CCDC187: variants seen among roughly 807,000 people sequenced by gnomAD.
The protein encoded by CCDC187 is coiled-coil domain containing 187, also known as coiled-coil domain-containing protein 187.
In CCDC187, 32 loss-of-function variants were observed where a neutral mutation model predicts 38.0. That is an observed-to-expected ratio of 0.84 (90% CI 0.64 to 1.13). The LOEUF (loss-of-function observed/expected upper bound fraction) is 1.13, where lower values mean the gene tolerates loss of function less well. Among genes scored for constraint, CCDC187 ranks in the 50% most tolerant of loss-of-function variants. CCDC187 has a pLI of 0.00. For synonymous variants in CCDC187, 333 were observed against 347.9 expected (o/e 0.96, Z 0.48); for missense variants, 707 against 786.8 (o/e 0.90, Z 1.21).
At position 136,299,205 on chromosome 9, in the gene CCDC187, G is replaced by A. The variant is rs891100528; in HGVS notation, c.724+1015C>T. Among the ~76,000 whole-genome samples, 147 of 152,318 alleles carry A rather than the reference G, an allele frequency of 9.7e-4. 1 individual carries two copies. The highest frequency in any genetic ancestry group is 3.4e-3 in the Middle Eastern group (1 of 294). On this transcript the variant is annotated intron_variant, in intron 3 of 25. Transcript: ENST00000638797. ...ACAGGAGTTCCCCGGCAACTGTGGGGTCAGGGAGATGGCTCTGTCCCCTGC... is the reference window on the plus strand; with the variant it reads ...ACAGGAGTTCCCCGGCAACTGTGGGATCAGGGAGATGGCTCTGTCCCCTGC...
Position 136,286,283 on chromosome 9 carries a change from T to C in CCDC187, c.2635A>G (p.Thr879Ala). The C allele has an allele frequency of 2.5e-6, 1 of 398,400 alleles. No homozygotes were observed. The highest frequency in any genetic ancestry group is 3.6e-5 in the East Asian group (1 of 28,050). The allele number at this position is 398,400 out of a possible 1,614,324, so 24.7% of individuals were successfully genotyped here. Residue 879 changes from threonine (T) to alanine (A), a missense_variant, in exon 8 of 26, where the codon ACG becomes GCG. Coordinates refer to ENST00000638797, the MANE Select transcript of CCDC187 (RefSeq NM_001378188.1). Reference sequence around the variant, plus strand: ...CCAGGGCAGGCTGGGGTGGCAAGCGTGGGGGTGGCGAGCGTGGGGGCGGCA... The same window carrying C: ...CCAGGGCAGGCTGGGGTGGCAAGCGCGGGGGTGGCGAGCGTGGGGGCGGCA... ...LPAAPTLATP[T>A]LATPACPGAL...
chr9:136,259,072 C>A, intron 21 of CCDC187, 71 bp from the exon 22 acceptor site: 1 of 977,046 alleles, frequency 1.0e-6, no homozygotes, highest in Non-Finnish European at 1.2e-6. Context: ...AGGGATAGAC[C>A]AGGATGGATG....
intron 4 of CCDC187, among the ~76,000 whole-genome samples, chr9:136,293,777 C>T (rs1032898934): frequency 0.014 from 2,120 of 152,218 alleles, 55 homozygotes; most frequent in African/African-American, 0.047. Context: ...TGCTCACACA[C>T]GGTCTCATCC....
rs954667299 is a variant in CCDC187 at position 136,291,267 on chromosome 9, G to A, written c.1346C>T (p.Pro449Leu). Residue 449 changes from proline (P) to leucine (L), a missense_variant, in exon 6 of 26, where the codon CCC becomes CTC. By Grantham distance (98) the Pro-to-Leu change is moderately conservative. Transcript: ENST00000638797. ...CTCCCGTGCAGTGGAGGAGCTCCAG[G>A]GCTCCCAGGTGTGGACACTCCTAGC... ...ERARSVHTWE[P>L]WSSSTARESC... 8.0e-5 allele frequency: 32 copies of A among 398,836 alleles called. No individual in the cohort carries two copies. The highest frequency in any genetic ancestry group is 1.3e-4 in the Admixed American group (3 of 22,746). 24.7% of individuals were successfully genotyped at this position (398,836 alleles called of 1,614,324 possible).
intron 3 of CCDC187, among the ~76,000 whole-genome samples, chr9:136,299,501 G>A (rs1013215757): frequency 5.3e-5 from 8 of 152,188 alleles, no homozygotes; most frequent in Admixed American, 2.0e-4. Flanking sequence ...TCTTGCCGGC[G>A]TCTGCCTGTC....
At chr9:136,301,225 T>G (rs1295871084) in intron 2 of CCDC187, among the ~76,000 whole-genome samples, 1 of 152,174 alleles carries the variant, frequency 6.6e-6, no homozygotes, top group Non-Finnish European at 1.5e-5. Flanking sequence ...GGAAGGTACA[T>G]GGGGAATTGG....
chr9:136,260,152 G>T lies in CCDC187; in HGVS notation c.4177C>A (p.Pro1393Thr). Reference sequence around the variant, plus strand: ...ACATGGCTGCCACTCTCCACCAGCGGGCCCTGGGGGTCGTGTGTGTCCTCG... The same window carrying T: ...ACATGGCTGCCACTCTCCACCAGCGTGCCCTGGGGGTCGTGTGTGTCCTCG... ...WGEDTHDPQG[P>T]LVESGSHVSQ... The change falls in exon 20 of 26, where the codon CCG (proline) becomes ACG (threonine). Residue 1393 changes from proline to threonine, a missense_variant. Physicochemically the swap from Pro to Thr is conservative, Grantham distance 38 (BLOSUM62 -1). Coordinates refer to ENST00000638797, the MANE Select transcript of CCDC187 (RefSeq NM_001378188.1). 1 of 985,434 alleles carries T rather than the reference G, an allele frequency of 1.0e-6. No homozygotes were observed. Among genetic ancestry groups the T allele is most frequent in the Non-Finnish European group, 1.2e-6 (1 of 829,994 alleles). The allele number at this position is 985,434 out of a possible 1,614,324, so 61.0% of individuals were successfully genotyped here. A position where few individuals can be genotyped will look rare whatever the true frequency, so the allele number is the denominator to read the frequency against.
intron 4 of CCDC187, 31 bp downstream of exon 4, chr9:136,297,683 C>T (rs925506778): frequency 0.026 from 10,523 of 399,164 alleles, 599 homozygotes; most frequent in East Asian, 0.17. Context: ...ATGCACCTAG[C>T]GTGCCAGGGC....
At chr9:136,261,222 G>A (rs761827166) in intron 19 of CCDC187, among the ~76,000 whole-genome samples, 68 of 152,110 alleles carry the variant, frequency 4.5e-4, no homozygotes, top group Admixed American at 1.8e-3. Flanking sequence ...AGCTTCTCTC[G>A]AACGGCCCAA....
At position 136,260,141 on chromosome 9, in the gene CCDC187, CT is replaced by C; in HGVS notation, c.4187del (p.Glu1396GlyfsTer24). 9.1e-6 allele frequency: 9 copies of C among 985,472 alleles called. No homozygotes were observed. Among genetic ancestry groups the C allele is most frequent in the Non-Finnish European group, 1.1e-5 (9 of 829,984 alleles). The allele number at this position is 985,472 out of a possible 1,614,324, so 61.0% of individuals were successfully genotyped here. A position where few individuals can be genotyped will look rare whatever the true frequency, so the allele number is the denominator to read the frequency against. ...TACCTTGACTGACATGGCTGCCACT[CT>C]CCACCAGCGGGCCCTGGGGGTCGTG... ...DTHDPQGPLV[E>X]SGSHVSQEPG... On this transcript the variant is annotated frameshift_variant, in exon 20 of 26. Coordinates refer to ENST00000638797, the MANE Select transcript of CCDC187 (RefSeq NM_001378188.1). LOFTEE classifies it high-confidence loss of function.
At chr9:136,285,233 G>A (rs1304993440) in intron 9 of CCDC187, among the ~76,000 whole-genome samples, 7 of 152,140 alleles carry the variant, frequency 4.6e-5, no homozygotes, top group African/African-American at 1.7e-4. Context: ...AGAGGGAGCT[G>A]CACCAGTGGC....
At chr9:136,298,615 C>T (rs1355190265) in intron 3 of CCDC187, among the ~76,000 whole-genome samples, 1 of 152,232 alleles carries the variant, frequency 6.6e-6, no homozygotes, top group Non-Finnish European at 1.5e-5. Flanking sequence ...CTCCAAACGC[C>T]ACTTGGTCCA....
At chr9:136,305,865 G>C (rs1345155805), upstream of CCDC187, among the ~76,000 whole-genome samples, 1 of 152,232 alleles carries the variant, frequency 6.6e-6, no homozygotes, top group Non-Finnish European at 1.5e-5. Context: ...CTGGGGGACA[G>C]CGGAGCGTCT....
intron 3 of CCDC187, among the ~76,000 whole-genome samples, chr9:136,298,741 G>A (rs1340633915): frequency 6.6e-6 from 1 of 152,246 alleles, no homozygotes; most frequent in East Asian, 1.9e-4. Context: ...GGTCCCCAGA[G>A]TCACTAGGCC....
At chr9:136,288,288 C>T (rs1023487794) in intron 7 of CCDC187, among the ~76,000 whole-genome samples, 16 of 152,292 alleles carry the variant, frequency 1.1e-4, no homozygotes, top group African/African-American at 2.4e-4. Context: ...AATCCCAAAA[C>T]GAGTGCCTTC....
At chr9:136,269,806 G>A (rs1830809621) in intron 14 of CCDC187, among the ~76,000 whole-genome samples, 3 of 152,172 alleles carry the variant, frequency 2.0e-5, no homozygotes, top group Admixed American at 2.0e-4. Context: ...GCTTGACGTG[G>A]GTGTGAGAAT....
At chr9:136,259,307 G>C (rs1177369324) in intron 21 of CCDC187, 56 bp downstream of exon 21, 1 of 728,956 alleles carries the variant, frequency 1.4e-6, no homozygotes, top group Admixed American at 6.3e-5. Flanking sequence ...TGTTGGGGGG[G>C]GGTGGTCCCT....
At chr9:136,259,114 G>T in intron 21 of CCDC187, 113 bp from the exon 22 acceptor site, 1 of 849,202 alleles carries the variant, frequency 1.2e-6, no homozygotes, top group Non-Finnish European at 1.4e-6. Context: ...GGGTGGATGG[G>T]GACAGCCGGG....
chr9:136,297,938 C>T (rs1831576105), intron 3 of CCDC187, 117 bp from the exon 4 acceptor site: 1 of 393,878 alleles, frequency 2.5e-6, no homozygotes, highest in South Asian at 1.4e-4. Flanking sequence ...GAGCCATACA[C>T]ATTGCCAGTC....
Sources: gnomAD v4.1 joint callset for allele counts (sites outside exome capture counted in the v4.1 genomes callset) on GRCh38, gnomAD v4.1.1 for gene constraint, MANE v1.5 for transcripts, NCBI Gene and HGNC (gene_info 2026-07-23, HGNC 2026-07-21) for gene names.